Variants in UBE3C observed in about 807,000 individuals in gnomAD.
UBE3C encodes the protein ubiquitin-protein ligase E3C.
A neutral mutation model predicts 129.4 loss-of-function variants in UBE3C; 42 were observed. That is an observed-to-expected ratio of 0.32 (90% CI 0.25 to 0.42). The LOEUF (loss-of-function observed/expected upper bound fraction) is 0.42, where lower values mean the gene tolerates loss of function less well. Among genes scored for constraint, UBE3C ranks in the 10% least tolerant of loss-of-function variants. The probability of loss-of-function intolerance (pLI) is 1.00; values close to 1 mark genes in which losing one functional copy is unlikely to be tolerated. For missense variants in UBE3C, 1,049 were observed against 1,319.1 expected, an observed-to-expected ratio of 0.80 and a Z score of 3.17; for synonymous variants, 510 against 492.4, an observed-to-expected ratio of 1.04 and a Z score of -0.47.
chr7:157,197,731 A>T, intron 10 of UBE3C: 3 of 1,610,964 alleles, frequency 1.9e-6, no homozygotes, highest in Non-Finnish European at 2.5e-6. Flanking sequence ...TCAGGACAAG[A>T]CTGTACAATA....
At chr7:157,139,885 A>T in intron 1 of UBE3C, 1 of 524,278 alleles carries the variant, frequency 1.9e-6, no homozygotes, top group Non-Finnish European at 2.4e-6. Context: ...TCTCTAAAGT[A>T]GAGGCAGAAC....
intron 18 of UBE3C, among the ~76,000 whole-genome samples, chr7:157,233,147 T>C (rs900735534): frequency 1.3e-5 from 2 of 152,186 alleles, no homozygotes; most frequent in Admixed American, 1.3e-4. Context: ...TCATTTGTTA[T>C]ATCAACTATA....
intron 3 of UBE3C, 61 bp downstream of exon 3, chr7:157,169,183 T>C (rs1423925995): frequency 7.5e-7 from 1 of 1,342,240 alleles, no homozygotes; most frequent in African/African-American, 1.4e-5. Flanking sequence ...TTAAATATGG[T>C]ATCTTTGTAC....
intron 1 of UBE3C, among the ~76,000 whole-genome samples, chr7:157,145,986 C>G (rs954510961): frequency 6.6e-6 from 1 of 152,084 alleles, no homozygotes; most frequent in Non-Finnish European, 1.5e-5. Context: ...AAAGTCATTA[C>G]CAAAGCCAAG....
At position 157,186,994 on chromosome 7, in the gene UBE3C, A is replaced by G; in HGVS notation, c.1304A>G (p.Gln435Arg). Reference sequence around the variant, plus strand: ...TCCGTCTGCCACACGCTGATGGTGCAGCACCGCATGATGGTACCCAAAGTC... The same window carrying G: ...TCCGTCTGCCACACGCTGATGGTGCGGCACCGCATGATGGTACCCAAAGTC... ...MASVCHTLMV[Q>R]HRMMVPKVRL... Residue 435 changes from glutamine (Q) to arginine (R), a missense_variant, in exon 10 of 23, where the codon CAG becomes CGG. By Grantham distance (43) the Gln-to-Arg change is conservative. Transcript: ENST00000348165. 1 of 1,609,338 alleles carries G rather than the reference A, an allele frequency of 6.2e-7. No individual in the cohort carries two copies. The highest frequency in any genetic ancestry group is 8.5e-7 in the Non-Finnish European group (1 of 1,177,750).
At position 157,267,579 on chromosome 7, in the gene UBE3C, T is replaced by C. The variant is rs1797115013; in HGVS notation, c.3082-6T>C. ...AGTGACATCTTGCACACATGCTGTT[T>C]TTCAGGAGTTGTATCCCGCATTTTG... On this transcript the variant is annotated splice_polypyrimidine_tract_variant and splice_region_variant and intron_variant, in intron 22 of 22. Coordinates refer to ENST00000348165, the MANE Select transcript of UBE3C (RefSeq NM_014671.3). 1 of 1,612,954 alleles carries C rather than the reference T, an allele frequency of 6.2e-7. No homozygotes were observed. The highest frequency in any genetic ancestry group is 8.5e-7 in the Non-Finnish European group (1 of 1,179,610).
chr7:157,250,124 C>T (rs1796585074), intron 19 of UBE3C, among the ~76,000 whole-genome samples: 1 of 152,180 alleles, frequency 6.6e-6, no homozygotes, highest in Non-Finnish European at 1.5e-5. Context: ...GTTCCAGAGA[C>T]TGGCCGGGAG....
At chr7:157,222,990 G>A (rs1450936315) in intron 15 of UBE3C, 10 of 363,228 alleles carry the variant, frequency 2.8e-5, no homozygotes, top group East Asian at 1.3e-4. Flanking sequence ...CACTTGAGAC[G>A]TGCTAGACAG....
At chr7:157,211,205 A>T in intron 13 of UBE3C, among the ~76,000 whole-genome samples, 1 of 146,738 alleles carries the variant, frequency 6.8e-6, no homozygotes, top group African/African-American at 2.6e-5. Context: ...CCATACTATG[A>T]GTGATTTTTT....
intron 1 of UBE3C, among the ~76,000 whole-genome samples, chr7:157,157,754 C>A (rs1411094802): frequency 1.3e-5 from 2 of 152,112 alleles, no homozygotes; most frequent in Non-Finnish European, 2.9e-5. Context: ...GTGGGTGGAT[C>A]ACCTGAGGTC....
At chr7:157,265,384 A>T (rs778533857) in intron 22 of UBE3C, among the ~76,000 whole-genome samples, 2 of 152,242 alleles carry the variant, frequency 1.3e-5, no homozygotes, top group South Asian at 4.1e-4. Context: ...GTGTTTGTGT[A>T]TACGAGGAAG....
intron 1 of UBE3C, 151 bp from the exon 2 acceptor site, chr7:157,163,659 G>T (rs1425047353): frequency 2.8e-6 from 2 of 703,008 alleles, no homozygotes; most frequent in African/African-American, 3.6e-5. Context: ...AACTTCTTGT[G>T]CCTCAGATTC....
At chr7:157,263,751 ATTT>A (rs200761950) in intron 22 of UBE3C, among the ~76,000 whole-genome samples, 8 of 124,840 alleles carry the variant, frequency 6.4e-5, no homozygotes, top group Non-Finnish European at 1.0e-4. Flanking sequence ...TTTATATTGG[ATTT>A]TTTTTTTTTT....
At chr7:157,217,246 A>G (rs760736283) in intron 14 of UBE3C, 10 of 260,930 alleles carry the variant, frequency 3.8e-5, no homozygotes, top group Non-Finnish European at 6.6e-5. Context: ...TGTGAGGTTG[A>G]AAAATATTTT....
At chr7:157,256,692 C>T in intron 21 of UBE3C, 1 of 498,544 alleles carries the variant, frequency 2.0e-6, no homozygotes, top group Non-Finnish European at 3.6e-6. Flanking sequence ...GTGTCACAGC[C>T]ATTTACACAG....
chr7:157,256,782 C>G, intron 21 of UBE3C, 132 bp from the exon 22 acceptor site: 1 of 1,150,422 alleles, frequency 8.7e-7, no homozygotes, highest in Non-Finnish European at 1.2e-6. Context: ...TACACACATG[C>G]CACGCCGTTT....
chr7:157,235,810 A>G (rs549367832), intron 18 of UBE3C, among the ~76,000 whole-genome samples: 13 of 152,234 alleles, frequency 8.5e-5, no homozygotes, highest in Non-Finnish European at 1.6e-4. Flanking sequence ...AGGGGTTACT[A>G]ACTTCCAAAA....
chr7:157,219,344 C>T (rs1318859784), intron 14 of UBE3C, among the ~76,000 whole-genome samples: 1 of 152,168 alleles, frequency 6.6e-6, no homozygotes, highest in Non-Finnish European at 1.5e-5. Flanking sequence ...GCTGGTAGTA[C>T]GGTGCACACA....
intron 1 of UBE3C, among the ~76,000 whole-genome samples, chr7:157,161,162 T>G (rs905664492): frequency 6.6e-6 from 1 of 152,182 alleles, no homozygotes; most frequent in Non-Finnish European, 1.5e-5. Context: ...GTTTGTAGAT[T>G]AGTTAATGTT....
Sources: allele counts gnomAD v4.1 joint callset (sites outside exome capture counted in the v4.1 genomes callset), GRCh38; gene constraint gnomAD v4.1.1; transcripts MANE v1.5; gene names NCBI Gene and HGNC (gene_info 2026-07-23, HGNC 2026-07-21).